The following CMIP variants were observed in gnomAD, a reference collection of about 807,000 sequenced individuals.
CMIP encodes the protein c-Maf inducing protein, also known as C-Maf-inducing protein.
In CMIP, 13 loss-of-function variants were observed where a neutral mutation model predicts 97.3. The observed-to-expected ratio is 0.13, with a 90% CI of 0.09 to 0.21. CMIP has a LOEUF of 0.21. Ranked by LOEUF, CMIP falls within the 10% of genes least tolerant of loss-of-function variation. The probability of loss-of-function intolerance (pLI) is 1.00; values close to 1 mark genes in which losing one functional copy is unlikely to be tolerated. For missense variants in CMIP, 847 were observed against 1,024.9 expected (o/e 0.83, Z 2.37); for synonymous variants, 538 against 436.3 (o/e 1.23, Z -2.91).
At chr16:81,610,032 C>G (rs1597143208) in intron 2 of CMIP, among the ~76,000 whole-genome samples, 1 of 152,162 alleles carries the variant, frequency 6.6e-6, no homozygotes, top group South Asian at 2.1e-4. Flanking sequence ...GAGGGAGCCC[C>G]TTGAAACATT....
chr16:81,704,181 G>GCCTCCTCCCTGCCCCCTCCC lies in CMIP; in HGVS notation c.2091+103_2091+122dup, dbSNP rs1907762030. ...CCCGTACCATCTTCCTTTCCCCTCAGCCTCCTCCCTGCCCCCTCCCCCTCC... is the reference window on the plus strand; with the variant it reads ...CCCGTACCATCTTCCTTTCCCCTCAGCCTCCTCCCTGCCCCCTCCCCCTCCTCCCTGCCCCCTCCCCCTCC... On this transcript the variant is annotated intron_variant, in intron 18 of 20. Transcript: ENST00000537098. 9.2e-6 allele frequency: 8 copies of GCCTCCTCCCTGCCCCCTCCC among 868,510 alleles called. No homozygotes were observed. The Admixed American group carries it at 1.5e-4, about 16-fold the overall frequency. The allele number at this position is 868,510 out of a possible 1,614,324, so 53.8% of individuals were successfully genotyped here. A position where few individuals can be genotyped will look rare whatever the true frequency, so the allele number is the denominator to read the frequency against.
At chr16:81,704,986 A>G (rs11863349) in intron 18 of CMIP, among the ~76,000 whole-genome samples, 4,317 of 151,976 alleles carry the variant, frequency 0.028, 188 homozygotes, top group African/African-American at 0.1. Flanking sequence ...TTGTTATAGT[A>G]ACACCAGTGG....
At chr16:81,591,924 A>G (rs1015476250) in intron 1 of CMIP, among the ~76,000 whole-genome samples, 1 of 151,180 alleles carries the variant, frequency 6.6e-6, no homozygotes, top group Non-Finnish European at 1.5e-5. Context: ...TCCCAGGCTC[A>G]AGTATCCTCC....
At chr16:81,554,449 T>A (rs1200292257) in intron 1 of CMIP, among the ~76,000 whole-genome samples, 1 of 152,142 alleles carries the variant, frequency 6.6e-6, no homozygotes, top group Non-Finnish European at 1.5e-5. Context: ...CAGACATCAA[T>A]AATCAATCAC....
At chr16:81,586,125 G>T (rs1426185104) in intron 1 of CMIP, among the ~76,000 whole-genome samples, 1 of 151,388 alleles carries the variant, frequency 6.6e-6, no homozygotes, top group Non-Finnish European at 1.5e-5. Flanking sequence ...AGGATTTGGG[G>T]TGGGGGTGGG....
chr16:81,469,314 G>A (rs1375846143), intron 1 of CMIP, among the ~76,000 whole-genome samples: 2 of 152,232 alleles, frequency 1.3e-5, no homozygotes, highest in Admixed American at 1.3e-4. Context: ...CTTGGGCTCT[G>A]CCACTTGCCT....
chr16:81,532,282 G>T (rs991399195), intron 1 of CMIP, among the ~76,000 whole-genome samples: 1 of 152,250 alleles, frequency 6.6e-6, no homozygotes, highest in African/African-American at 2.4e-5. Flanking sequence ...ACATTCGGAC[G>T]TGTGTTAGGT....
intron 1 of CMIP, among the ~76,000 whole-genome samples, chr16:81,573,790 A>G (rs2091139148): frequency 1.3e-5 from 2 of 152,060 alleles, no homozygotes; most frequent in African/African-American, 4.8e-5. Context: ...TGTAACGTGT[A>G]TTTGTGCCAG....
At chr16:81,638,759 G>A (rs551517256) in intron 3 of CMIP, among the ~76,000 whole-genome samples, 7 of 152,256 alleles carry the variant, frequency 4.6e-5, no homozygotes, top group African/African-American at 1.7e-4. Context: ...CTGTGGGAAT[G>A]AGGGAGGTGC....
intron 1 of CMIP, among the ~76,000 whole-genome samples, chr16:81,544,197 C>T (rs1350399831): frequency 6.6e-6 from 1 of 152,246 alleles, no homozygotes; most frequent in Non-Finnish European, 1.5e-5. Context: ...TGAGTGTGAA[C>T]TCACGGAGAC....
chr16:81,510,635 A>G (rs1405489451), intron 1 of CMIP, among the ~76,000 whole-genome samples: 1 of 152,270 alleles, frequency 6.6e-6, no homozygotes, highest in Admixed American at 6.5e-5. Flanking sequence ...TTTCTCAGAT[A>G]CTGTGATGGA....
At chr16:81,547,820 G>A (rs1192021982) in intron 1 of CMIP, among the ~76,000 whole-genome samples, 4 of 152,202 alleles carry the variant, frequency 2.6e-5, no homozygotes, top group Non-Finnish European at 5.9e-5. Context: ...CACCGAAATT[G>A]GACACTGGGA....
chr16:81,450,586 A>C (rs573467411), intron 1 of CMIP, among the ~76,000 whole-genome samples: 2 of 152,278 alleles, frequency 1.3e-5, no homozygotes, highest in East Asian at 3.9e-4. Context: ...TTCTGCACAA[A>C]TGGAAGGGAT....
intron 1 of CMIP, among the ~76,000 whole-genome samples, chr16:81,469,364 TTTTG>T (rs746844704): frequency 2.0e-4 from 30 of 152,372 alleles, no homozygotes; most frequent in Admixed American, 7.2e-4. Flanking sequence ...CTCTCTGAGC[TTTTG>T]TTTTTCATCA....
intron 1 of CMIP, among the ~76,000 whole-genome samples, chr16:81,532,450 G>T (rs1477796529): frequency 6.6e-6 from 1 of 152,178 alleles, no homozygotes; most frequent in East Asian, 1.9e-4. Flanking sequence ...GAGCCCAACA[G>T]ATAAATCCCT....
chr16:81,560,947 G>T (rs993992672), intron 1 of CMIP, among the ~76,000 whole-genome samples: 2 of 152,122 alleles, frequency 1.3e-5, no homozygotes, highest in African/African-American at 4.8e-5. Context: ...TATCCCCATT[G>T]TTAAGAGATG....
intron 1 of CMIP, among the ~76,000 whole-genome samples, chr16:81,599,077 A>G (rs951592389): frequency 1.3e-5 from 2 of 152,006 alleles, no homozygotes; most frequent in African/African-American, 4.8e-5. Context: ...CGTCTGGAGA[A>G]TGGTTGGAGA....
intron 1 of CMIP, among the ~76,000 whole-genome samples, chr16:81,489,726 G>T (rs983846705): frequency 6.6e-6 from 1 of 152,210 alleles, no homozygotes; most frequent in African/African-American, 2.4e-5. Flanking sequence ...GTTCAGGGAG[G>T]GGGAGAGAGC....
intron 1 of CMIP, among the ~76,000 whole-genome samples, chr16:81,575,831 G>T (rs2091179523): frequency 6.6e-6 from 1 of 152,280 alleles, no homozygotes; most frequent in East Asian, 1.9e-4. Context: ...GGTCTGTAAG[G>T]GCAGAGAACT....
Sources: allele counts gnomAD v4.1 joint callset (sites outside exome capture counted in the v4.1 genomes callset), GRCh38; gene constraint gnomAD v4.1.1; transcripts MANE v1.5; gene names NCBI Gene and HGNC (gene_info 2026-07-23, HGNC 2026-07-21).